Variants in ARHGAP17 observed in about 807,000 individuals in gnomAD.
ARHGAP17 encodes rho GTPase-activating protein 17.
ARHGAP17 carries 57 observed loss-of-function variants against 99.5 expected under a neutral mutation model. That is an observed-to-expected ratio of 0.57 (90% CI 0.46 to 0.71). The LOEUF (loss-of-function observed/expected upper bound fraction) is 0.71, where lower values mean the gene tolerates loss of function less well. ARHGAP17 is among the 30% of genes least tolerant of loss of function. The probability of loss-of-function intolerance (pLI) is 0.00; values close to 1 mark genes in which losing one functional copy is unlikely to be tolerated. For missense variants in ARHGAP17, 1,000 were observed against 1,122.4 expected (o/e 0.89, Z 1.56); for synonymous variants, 417 against 429.6 (o/e 0.97, Z 0.36).
At chr16:25,002,221 A>G (rs908448014) in intron 1 of ARHGAP17, among the ~76,000 whole-genome samples, 1 of 152,230 alleles carries the variant, frequency 6.6e-6, no homozygotes, top group East Asian at 1.9e-4. Flanking sequence ...AAAACAATGA[A>G]AAAGTGAAGA....
intron 6 of ARHGAP17, among the ~76,000 whole-genome samples, chr16:24,965,851 T>A (rs1466992870): frequency 2.6e-5 from 4 of 152,250 alleles, no homozygotes; most frequent in African/African-American, 4.8e-5. Flanking sequence ...GCACAGCATA[T>A]GATGTCTGGC....
At chr16:24,951,088 G>C (rs2051628259) in intron 12 of ARHGAP17, among the ~76,000 whole-genome samples, 1 of 152,116 alleles carries the variant, frequency 6.6e-6, no homozygotes, top group Non-Finnish European at 1.5e-5. Flanking sequence ...AGCGCCATGA[G>C]AAAAAAGACG....
chr16:24,987,710 T>C (rs1934323299), intron 1 of ARHGAP17, among the ~76,000 whole-genome samples: 1 of 152,112 alleles, frequency 6.6e-6, no homozygotes, highest in Non-Finnish European at 1.5e-5. Context: ...ACAGGGCTGT[T>C]GGTTTTTGGT....
At chr16:24,932,415 C>T (rs1230292042) in intron 18 of ARHGAP17, among the ~76,000 whole-genome samples, 1 of 152,020 alleles carries the variant, frequency 6.6e-6, no homozygotes, top group African/African-American at 2.4e-5. Context: ...GAAGTGCTGC[C>T]CTCAGCCCAC....
At chr16:25,007,785 T>C (rs1179964788) in intron 1 of ARHGAP17, among the ~76,000 whole-genome samples, 3 of 152,246 alleles carry the variant, frequency 2.0e-5, no homozygotes, top group Non-Finnish European at 4.4e-5. Context: ...TTTTTCTTTT[T>C]AGTTGCCAAC....
chr16:25,000,525 A>G (rs10451093), intron 1 of ARHGAP17, among the ~76,000 whole-genome samples: 7,189 of 152,188 alleles, frequency 0.047, 556 homozygotes, highest in African/African-American at 0.16. Flanking sequence ...TGTGAAGTCC[A>G]TAAGATTATA....
chr16:24,959,546 G>A, intron 9 of ARHGAP17, 125 bp downstream of exon 9: 2 of 864,188 alleles, frequency 2.3e-6, no homozygotes, highest in Non-Finnish European at 3.5e-6. Flanking sequence ...CTGGGAAACA[G>A]TACCCTCCTA....
intron 1 of ARHGAP17, among the ~76,000 whole-genome samples, chr16:25,004,915 T>A (rs897566229): frequency 6.6e-6 from 1 of 152,174 alleles, no homozygotes; most frequent in African/African-American, 2.4e-5. Context: ...TGAAATGAAC[T>A]GAATATTGTT....
intron 1 of ARHGAP17, among the ~76,000 whole-genome samples, chr16:24,987,926 G>A (rs2052923476): frequency 6.6e-6 from 1 of 152,174 alleles, no homozygotes; most frequent in Non-Finnish European, 1.5e-5. Context: ...ATTGTATGTA[G>A]GGTAACAACA....
intron 3 of ARHGAP17, among the ~76,000 whole-genome samples, chr16:24,975,069 C>T (rs769749662): frequency 1.3e-5 from 2 of 152,202 alleles, no homozygotes; most frequent in Non-Finnish European, 2.9e-5. Flanking sequence ...CGAAGGATGG[C>T]TTGAGCCCAG....
chr16:24,995,691 C>A (rs1033673816), intron 1 of ARHGAP17, among the ~76,000 whole-genome samples: 1 of 152,108 alleles, frequency 6.6e-6, no homozygotes, highest in African/African-American at 2.4e-5. Flanking sequence ...ATCAGGTGTG[C>A]GAACCAAACT....
chr16:25,003,819 T>C (rs1432485762), intron 1 of ARHGAP17, among the ~76,000 whole-genome samples: 2 of 130,186 alleles, frequency 1.5e-5, no homozygotes, highest in Non-Finnish European at 1.7e-5. Context: ...CAAGAATCCA[T>C]CTCAAAAAAA....
At chr16:24,939,796 C>T (rs1013155190) in intron 16 of ARHGAP17, 199 bp from the exon 17 acceptor site, 3 of 621,058 alleles carry the variant, frequency 4.8e-6, no homozygotes, top group African/African-American at 3.7e-5. Flanking sequence ...GCCAATGAAC[C>T]TGGTACTGTT....
chr16:24,932,603 C>T (rs2051025492), intron 18 of ARHGAP17, among the ~76,000 whole-genome samples: 1 of 152,076 alleles, frequency 6.6e-6, no homozygotes, highest in African/African-American at 2.4e-5. Flanking sequence ...TCTACCAATT[C>T]CGCAACCATT....
chr16:24,984,272 GTCC>G (rs1402332651), intron 1 of ARHGAP17, among the ~76,000 whole-genome samples: 2 of 151,876 alleles, frequency 1.3e-5, no homozygotes, highest in Non-Finnish European at 1.5e-5. Flanking sequence ...GAGCACTACC[GTCC>G]TCCTCCCTGC....
chr16:24,939,629 A>G (rs1244505696), intron 16 of ARHGAP17, 32 bp from the exon 17 acceptor site: 6 of 1,563,584 alleles, frequency 3.8e-6, no homozygotes, highest in Non-Finnish European at 4.3e-6. Context: ...TCAACACACC[A>G]TGCGAGCAGA....
At chr16:24,929,528 A>G (rs1215998640) in intron 19 of ARHGAP17, 1 of 933,224 alleles carries the variant, frequency 1.1e-6, no homozygotes, top group Non-Finnish European at 1.3e-6. Flanking sequence ...CATGGTCAAA[A>G]GCACATATGC....
At chr16:24,921,197 G>T (rs1443585854) in intron 19 of ARHGAP17, among the ~76,000 whole-genome samples, 1 of 152,178 alleles carries the variant, frequency 6.6e-6, no homozygotes, top group Admixed American at 6.5e-5. Flanking sequence ...TGAAGCCCAC[G>T]GTCAAGTGGG....
chr16:25,015,175 C>G (rs2053753526), intron 1 of ARHGAP17, 34 bp downstream of exon 1: 4 of 1,275,340 alleles, frequency 3.1e-6, no homozygotes, highest in Non-Finnish European at 4.0e-6. Flanking sequence ...GCCCCCAGCC[C>G]CGGTGCGACC....
Sources: allele counts gnomAD v4.1 joint callset (sites outside exome capture counted in the v4.1 genomes callset), GRCh38; gene constraint gnomAD v4.1.1; transcripts MANE v1.5; gene names NCBI Gene and HGNC (gene_info 2026-07-23, HGNC 2026-07-21).